SLCO2A1: variants seen among roughly 807,000 people sequenced by gnomAD.
SLCO2A1 encodes the protein solute carrier organic anion transporter family member 2A1.
Under a neutral mutation model 71.7 loss-of-function variants are expected in SLCO2A1, and 60 were observed. That is an observed-to-expected ratio of 0.84 (90% CI 0.68 to 1.04). The LOEUF is 1.04. Ranked by LOEUF, SLCO2A1 falls within the 50% of genes least tolerant of loss-of-function variation. The probability of loss-of-function intolerance (pLI) is 0.00; values close to 1 mark genes in which losing one functional copy is unlikely to be tolerated. For missense variants in SLCO2A1, 745 were observed against 813.4 expected (o/e 0.92, Z 1.02); for synonymous variants, 308 against 326.7 (o/e 0.94, Z 0.62).
intron 1 of SLCO2A1, among the ~76,000 whole-genome samples, chr3:134,023,894 GTAA>G (rs55878376): frequency 0.52 from 78,388 of 151,772 alleles, 21,691 homozygotes; most frequent in South Asian, 0.67. Flanking sequence ...ACAGCCTGGA[GTAA>G]TAAGTCATGC....
chr3:133,979,435 G>T lies in SLCO2A1; in HGVS notation c.234+46C>A, dbSNP rs755802498. The stretch of plus-strand genomic sequence containing the variant: ...CTGCTTCTCCTGGATCTTGTGGTCA[G>T]CGTGGTGCACAAGTGGAGTCTGATG... On this transcript the variant is annotated intron_variant, in intron 2 of 13. Coordinates refer to ENST00000310926, the MANE Select transcript of SLCO2A1 (RefSeq NM_005630.3). 1.9e-6 allele frequency: 3 copies of T among 1,611,656 alleles called. No homozygotes were observed. In the East Asian group the frequency reaches 6.7e-5, roughly 36 times the overall value.
chr3:133,941,669 T>C (rs1933423918), intron 11 of SLCO2A1, among the ~76,000 whole-genome samples: 1 of 152,106 alleles, frequency 6.6e-6, no homozygotes, highest in Non-Finnish European at 1.5e-5. Flanking sequence ...AGCTGCCAGC[T>C]GTAACGGGAC....
intron 1 of SLCO2A1, among the ~76,000 whole-genome samples, chr3:134,025,370 C>A (rs962986482): frequency 3.9e-5 from 6 of 152,020 alleles, no homozygotes; most frequent in Admixed American, 2.6e-4. Context: ...CCCATCTGAG[C>A]CTCCCATGAC....
chr3:133,979,682 T>C (rs1934541476), intron 1 of SLCO2A1, 64 bp from the exon 2 acceptor site: 3 of 1,534,836 alleles, frequency 2.0e-6, no homozygotes, highest in Non-Finnish European at 2.6e-6. Context: ...CTCCCAGCCA[T>C]CTGTTAGGGG....
chr3:133,992,904 G>A (rs1412583867), intron 1 of SLCO2A1, among the ~76,000 whole-genome samples: 2 of 151,272 alleles, frequency 1.3e-5, no homozygotes, highest in Admixed American at 6.6e-5. Flanking sequence ...CGCCAGACAA[G>A]AGTTCAGATG....
At chr3:134,014,305 C>T (rs936663190) in intron 1 of SLCO2A1, among the ~76,000 whole-genome samples, 8 of 152,088 alleles carry the variant, frequency 5.3e-5, no homozygotes, top group Non-Finnish European at 1.2e-4. Context: ...CCAGTGTATC[C>T]ATGTGAGCCT....
chr3:134,028,870 T>C (rs1299237905), intron 1 of SLCO2A1, among the ~76,000 whole-genome samples: 1 of 152,206 alleles, frequency 6.6e-6, no homozygotes, highest in East Asian at 1.9e-4. Context: ...GATTGAACCA[T>C]TCCAGGTCCT....
intron 4 of SLCO2A1, 33 bp from the exon 5 acceptor site, chr3:133,953,794 A>C (rs372070931): frequency 8.3e-5 from 131 of 1,570,536 alleles, no homozygotes; most frequent in Non-Finnish European, 1.1e-4. Context: ...GGAGACTGAG[A>C]TAAATGGAGA....
intron 3 of SLCO2A1, among the ~76,000 whole-genome samples, chr3:133,972,299 A>G (rs1431668652): frequency 6.6e-6 from 1 of 152,138 alleles, no homozygotes; most frequent in Non-Finnish European, 1.5e-5. Flanking sequence ...GACTAAGTGA[A>G]CAGGAAGTCA....
At chr3:134,026,758 A>G (rs1009499644) in intron 1 of SLCO2A1, among the ~76,000 whole-genome samples, 5 of 152,240 alleles carry the variant, frequency 3.3e-5, no homozygotes, top group African/African-American at 1.2e-4. Context: ...ACTACTTGCT[A>G]GCAGCTGAAG....
Position 133,934,699 on chromosome 3 carries a change from G to C in SLCO2A1, c.*14C>G, listed in dbSNP as rs1275525292. ...GGTCCACTCTCTGGAGCAGGGCAGT[G>C]GCCCAGGGTGGGGTCAGATGAGGCC... On this transcript the variant is annotated 3_prime_UTR_variant, in exon 14 of 14. Transcript: ENST00000310926. 6.3e-7 allele frequency: 1 copy of C among 1,584,562 alleles called. No individual in the cohort carries two copies.
chr3:133,938,068 TG>T (rs1933317828), intron 12 of SLCO2A1, among the ~76,000 whole-genome samples: 1 of 152,266 alleles, frequency 6.6e-6, no homozygotes, highest in African/African-American at 2.4e-5. Flanking sequence ...AAGCCAGGGC[TG>T]GGCTCAGCCG....
intron 1 of SLCO2A1, among the ~76,000 whole-genome samples, chr3:133,986,110 T>C (rs1934707962): frequency 6.6e-6 from 1 of 152,228 alleles, no homozygotes. Context: ...TCAACAAATA[T>C]TTAAAGTGTG....
intron 1 of SLCO2A1, among the ~76,000 whole-genome samples, chr3:133,980,721 T>C (rs1402945014): frequency 2.0e-5 from 3 of 152,252 alleles, no homozygotes; most frequent in Non-Finnish European, 4.4e-5. Context: ...ATAGGTGCCC[T>C]TGTTCCAGGC....
At chr3:133,993,302 G>A (rs533110361) in intron 1 of SLCO2A1, among the ~76,000 whole-genome samples, 6 of 152,356 alleles carry the variant, frequency 3.9e-5, no homozygotes, top group East Asian at 1.9e-4. Context: ...TCCTGCTTCC[G>A]TTGTTTTGTG....
At chr3:133,949,768 G>A (rs747850855) in intron 6 of SLCO2A1, among the ~76,000 whole-genome samples, 23 of 152,194 alleles carry the variant, frequency 1.5e-4, no homozygotes, top group Non-Finnish European at 2.9e-4. Flanking sequence ...TAAAGAAGAG[G>A]AAGCTTAGGA....
In SLCO2A1 at chr3:133,934,434, C is replaced by G. The variant is rs373985229; in HGVS notation, c.*279G>C. 1.2e-4 allele frequency: 36 copies of G among 296,300 alleles called. No homozygotes were observed. Among genetic ancestry groups the G allele is most frequent in the African/African-American group, 7.3e-4 (34 of 46,282 alleles). 18.4% of individuals were successfully genotyped at this position (296,300 alleles called of 1,614,324 possible). On this transcript the variant is annotated 3_prime_UTR_variant, in exon 14 of 14. Coordinates refer to ENST00000310926, the MANE Select transcript of SLCO2A1 (RefSeq NM_005630.3). ...CAGTGGGCATCCTCAATGGAGGACT[C>G]AACACTGAAGTGAGCCTGGGCATCT...
chr3:133,993,584 T>C (rs886931585), intron 1 of SLCO2A1, among the ~76,000 whole-genome samples: 6 of 152,252 alleles, frequency 3.9e-5, no homozygotes, highest in Admixed American at 6.5e-5. Flanking sequence ...CTTGAAAACA[T>C]AATTATCACG....
intron 1 of SLCO2A1, among the ~76,000 whole-genome samples, chr3:134,004,497 G>A (rs1382086675): frequency 1.2e-4 from 19 of 152,114 alleles, no homozygotes; most frequent in Admixed American, 1.2e-3. Context: ...ACCATGCCTG[G>A]CTAATTTTGT....
Sources: gnomAD v4.1 joint callset for allele counts (sites outside exome capture counted in the v4.1 genomes callset) on GRCh38, gnomAD v4.1.1 for gene constraint, MANE v1.5 for transcripts, NCBI Gene and HGNC (gene_info 2026-07-23, HGNC 2026-07-21) for gene names.